BMPER: variants seen among roughly 807,000 people sequenced by gnomAD.
The protein encoded by BMPER is BMP-binding endothelial regulator protein.
In BMPER, 45 loss-of-function variants were observed where a neutral mutation model predicts 87.3. The ratio of observed to expected loss-of-function variants is 0.52; its 90% CI spans 0.41 to 0.66. The LOEUF is 0.66. Ranked by LOEUF, BMPER falls within the 30% of genes least tolerant of loss-of-function variation. The probability of loss-of-function intolerance (pLI) is 0.00; values close to 1 mark genes in which losing one functional copy is unlikely to be tolerated. For missense variants in BMPER, 784 were observed against 867.5 expected (o/e 0.90, Z 1.21); for synonymous variants, 326 against 316.2 (o/e 1.03, Z -0.33).
chr7:34,061,650 C>T (rs960964359), intron 10 of BMPER, among the ~76,000 whole-genome samples: 1 of 152,086 alleles, frequency 6.6e-6, no homozygotes, highest in Non-Finnish European at 1.5e-5. Flanking sequence ...ATGTGTGTGC[C>T]CTTGGTCTCT....
At chr7:34,120,452 G>A (rs1338520879) in intron 13 of BMPER, among the ~76,000 whole-genome samples, 5 of 151,126 alleles carry the variant, frequency 3.3e-5, no homozygotes, top group Admixed American at 2.0e-4. Flanking sequence ...AGACTGGAGT[G>A]CGATGGCACA....
At chr7:33,969,646 G>A (rs1030617381) in intron 4 of BMPER, among the ~76,000 whole-genome samples, 2 of 152,200 alleles carry the variant, frequency 1.3e-5, no homozygotes, top group African/African-American at 4.8e-5. Flanking sequence ...TGATCCGCCC[G>A]CCTCAGCCTC....
chr7:33,935,955 A>G (rs1439283517), intron 2 of BMPER, among the ~76,000 whole-genome samples: 2 of 152,148 alleles, frequency 1.3e-5, no homozygotes, highest in Admixed American at 6.5e-5. Flanking sequence ...CAGGGCTGAT[A>G]CGGAAACAGC....
At chr7:34,135,493 C>A (rs1485795573) in intron 13 of BMPER, among the ~76,000 whole-genome samples, 1 of 152,172 alleles carries the variant, frequency 6.6e-6, no homozygotes, top group African/African-American at 2.4e-5. Context: ...ATCTGCTGAG[C>A]TGCCCTGCAG....
intron 6 of BMPER, among the ~76,000 whole-genome samples, chr7:33,994,543 C>A (rs1478272528): frequency 6.6e-6 from 1 of 152,200 alleles, no homozygotes; most frequent in African/African-American, 2.4e-5. Context: ...TGAGATGAAC[C>A]CGGTGCCTCA....
intron 3 of BMPER, among the ~76,000 whole-genome samples, chr7:33,950,422 C>A (rs1231265066): frequency 6.6e-6 from 1 of 152,076 alleles, no homozygotes; most frequent in Admixed American, 6.6e-5. Context: ...ATTTATTAAC[C>A]CACAGTTTCT....
chr7:33,995,297 C>T (rs190604128), intron 6 of BMPER, among the ~76,000 whole-genome samples: 180 of 152,172 alleles, frequency 1.2e-3, no homozygotes, highest in Admixed American at 3.3e-3. Flanking sequence ...GGCTCTCATC[C>T]ATTTTGGAGG....
At chr7:34,069,238 A>C (rs902894304) in intron 11 of BMPER, among the ~76,000 whole-genome samples, 1 of 152,224 alleles carries the variant, frequency 6.6e-6, no homozygotes, top group Non-Finnish European at 1.5e-5. Context: ...GAACAATAGA[A>C]ACCCCAAGCT....
upstream of BMPER, chr7:33,905,203 TAGCGGCAGCCCGGGCGGCGGCTG>T (rs1203964115): frequency 1.0e-5 from 3 of 298,994 alleles, no homozygotes; most frequent in Non-Finnish European, 1.9e-5. Flanking sequence ...CCCGAAACAG[TAGCGGCAGCCCGGGCGGCGGCTG>T]AGCGGCAGTG....
At position 34,000,170 on chromosome 7, in the gene BMPER, A is replaced by G. The variant is rs534507377; in HGVS notation, c.576+25386A>G. 2.0e-5 allele frequency among the ~76,000 whole-genome samples: 3 copies of G among 152,336 alleles called. No individual in the cohort carries two copies. The South Asian group carries it at 6.2e-4, about 32-fold the overall frequency. On this transcript the variant is annotated intron_variant, in intron 6 of 14. Coordinates refer to ENST00000649409, the MANE Select transcript of BMPER (RefSeq NM_001365308.1). Reference sequence around the variant, plus strand: ...GAAGGGTTAGGAACAGTGTGACCAAATTATGTTCAAAAAGGAGCTATGTGG... The same window carrying G: ...GAAGGGTTAGGAACAGTGTGACCAAGTTATGTTCAAAAAGGAGCTATGTGG...
chr7:33,926,797 C>T (rs566024812), intron 2 of BMPER, among the ~76,000 whole-genome samples: 9 of 152,224 alleles, frequency 5.9e-5, no homozygotes, highest in East Asian at 5.8e-4. Flanking sequence ...TTCAGTTCTG[C>T]GAACTTCTAG....
intron 2 of BMPER, among the ~76,000 whole-genome samples, chr7:33,928,169 C>T (rs1784404088): frequency 6.6e-6 from 1 of 152,156 alleles, no homozygotes; most frequent in South Asian, 2.1e-4. Flanking sequence ...GAAGGGTTGA[C>T]TGAGGCATTT....
At chr7:33,907,166 G>A (rs182880542) in intron 2 of BMPER, among the ~76,000 whole-genome samples, 2 of 151,916 alleles carry the variant, frequency 1.3e-5, no homozygotes, top group Non-Finnish European at 2.9e-5. Context: ...ATGACGTCTC[G>A]GTGAAATGAC....
At chr7:34,041,076 C>A (rs900981961) in intron 6 of BMPER, among the ~76,000 whole-genome samples, 1 of 152,104 alleles carries the variant, frequency 6.6e-6, no homozygotes, top group African/African-American at 2.4e-5. Context: ...CACACTCCAG[C>A]TGAGAAATTG....
At chr7:33,949,285 T>G (rs941537741) in intron 3 of BMPER, among the ~76,000 whole-genome samples, 1 of 152,204 alleles carries the variant, frequency 6.6e-6, no homozygotes, top group Admixed American at 6.5e-5. Context: ...GTCATGCAAT[T>G]ACACACTTAA....
At chr7:34,062,185 C>A in intron 11 of BMPER, 138 bp downstream of exon 11, 1 of 745,904 alleles carries the variant, frequency 1.3e-6, no homozygotes. Context: ...CACCTCCCTA[C>A]AGTCACTTTA....
intron 2 of BMPER, among the ~76,000 whole-genome samples, chr7:33,921,220 A>G (rs1784222314): frequency 1.3e-5 from 2 of 152,214 alleles, no homozygotes; most frequent in African/African-American, 4.8e-5. Flanking sequence ...AATATCTAGA[A>G]CAGCGCCTTG....
chr7:33,955,894 G>C (rs1359630429), intron 3 of BMPER, among the ~76,000 whole-genome samples: 1 of 152,086 alleles, frequency 6.6e-6, no homozygotes, highest in African/African-American at 2.4e-5. Flanking sequence ...AATAGAATGG[G>C]GAACCTGGAC....
chr7:33,984,061 A>T (rs1479522730), intron 6 of BMPER, among the ~76,000 whole-genome samples: 1 of 152,210 alleles, frequency 6.6e-6, no homozygotes, highest in Non-Finnish European at 1.5e-5. Context: ...GAAAATTGAG[A>T]CATAATCTAT....
Sources: gnomAD v4.1 joint callset for allele counts (sites outside exome capture counted in the v4.1 genomes callset) on GRCh38, gnomAD v4.1.1 for gene constraint, MANE v1.5 for transcripts, NCBI Gene and HGNC (gene_info 2026-07-23, HGNC 2026-07-21) for gene names.